The following MFSD11 variants were observed in gnomAD, a reference collection of about 807,000 sequenced individuals.
MFSD11 encodes major facilitator superfamily domain containing 11.
In MFSD11, 36 loss-of-function variants were observed where a neutral mutation model predicts 53.5. That is an observed-to-expected ratio of 0.67 (90% CI 0.52 to 0.89). MFSD11 has a LOEUF of 0.89. MFSD11 is among the 40% of genes least tolerant of loss of function. The pLI, the probability that MFSD11 is intolerant of heterozygous loss-of-function variation, is 0.00. For synonymous variants in MFSD11, 186 were observed against 184.9 expected (o/e 1.01, Z -0.05); for missense variants, 530 against 543.9 (o/e 0.97, Z 0.25).
At chr17:76,761,499 G>A (rs372167540) in intron 8 of MFSD11, among the ~76,000 whole-genome samples, 4 of 152,242 alleles carry the variant, frequency 2.6e-5, no homozygotes, top group Non-Finnish European at 4.4e-5. Context: ...AAATTCTCCT[G>A]TATATTACGT....
At chr17:76,741,234 A>G (rs956720903) in intron 3 of MFSD11, among the ~76,000 whole-genome samples, 170 bp downstream of exon 3, 3 of 152,214 alleles carry the variant, frequency 2.0e-5, no homozygotes, top group African/African-American at 7.2e-5. Context: ...CTAATGTGAT[A>G]GGATGTATCT....
the MFSD11 span, among the ~76,000 whole-genome samples, chr17:76,788,822 G>A: frequency 2.0e-5 from 3 of 148,900 alleles, 1 homozygote; most frequent in African/African-American, 4.9e-5. Flanking sequence ...GCGACAGGAC[G>A]AGACTCCGTC....
intron 10 of MFSD11, 75 bp from the exon 11 acceptor site, chr17:76,774,922 C>T: frequency 6.9e-7 from 1 of 1,449,224 alleles, no homozygotes. Flanking sequence ...TTCCTTGGCT[C>T]CTTGGTGGTA....
chr17:76,796,413 G>A, the MFSD11 span, among the ~76,000 whole-genome samples: 2 of 152,126 alleles, frequency 1.3e-5, no homozygotes, highest in Admixed American at 1.3e-4. Context: ...GTCATTTACA[G>A]TCTACATCGT....
At chr17:76,775,318 G>A in intron 11 of MFSD11, 147 bp downstream of exon 11, 1 of 610,556 alleles carries the variant, frequency 1.6e-6, no homozygotes, top group South Asian at 2.9e-5. Context: ...GTCAGACTGA[G>A]TTTAAATAGG....
At chr17:76,738,642 C>A (rs961571268) in intron 1 of MFSD11, 194 bp downstream of exon 1, 3 of 610,316 alleles carry the variant, frequency 4.9e-6, no homozygotes, top group African/African-American at 1.9e-5. Context: ...TAAGCATTAT[C>A]GTTTAATCTG....
the MFSD11 span, among the ~76,000 whole-genome samples, chr17:76,795,313 T>C: frequency 0.72 from 100,127 of 139,456 alleles, 36,828 homozygotes; most frequent in Middle Eastern, 0.81. Flanking sequence ...GAAAACCTGT[T>C]TCTACCAAAA....
At chr17:76,770,934 A>G (rs1349608405) in intron 10 of MFSD11, among the ~76,000 whole-genome samples, 1 of 152,184 alleles carries the variant, frequency 6.6e-6, no homozygotes, top group African/African-American at 2.4e-5. Context: ...CATTGGCCAC[A>G]TGGCCGGGTG....
At position 76,742,233 on chromosome 17, in the gene MFSD11, G is replaced by A. The variant is rs2078154583; in HGVS notation, c.397G>A (p.Gly133Arg). 6.2e-7 allele frequency: 1 copy of A among 1,614,010 alleles called. No homozygotes were observed. Among genetic ancestry groups the A allele is most frequent in the Non-Finnish European group, 8.5e-7 (1 of 1,180,030 alleles). ...AATCAATTCGGATGAGCACAGCATT[G>A]GGAGAAACAGTGGGATTTTCTGGGC... is the stretch of plus-strand genomic sequence containing the variant. ...LTINSDEHSI[G>R]RNSGIFWALL... Residue 133 changes from glycine (G) to arginine (R), a missense_variant, in exon 5 of 13, where the codon GGG (glycine) becomes AGG (arginine). Transcript: ENST00000685175.
the MFSD11 span, among the ~76,000 whole-genome samples, chr17:76,801,075 G>GA: frequency 0.021 from 2,965 of 140,050 alleles, 103 homozygotes; most frequent in African/African-American, 0.07. Flanking sequence ...GACTCGGTCT[G>GA]AAAAAAAAAA....
chr17:76,736,739 G>T (rs1013691314), upstream of MFSD11: 1 of 1,387,696 alleles, frequency 7.2e-7, no homozygotes, highest in South Asian at 1.6e-5. Flanking sequence ...CCTTTGTGAG[G>T]TCGCCCGGGC....
chr17:76,778,198 C>T lies in MFSD11; in HGVS notation c.1196C>T (p.Ala399Val). 4 of 1,614,208 alleles carry T rather than the reference C, an allele frequency of 2.5e-6. No individual in the cohort carries two copies. Among genetic ancestry groups the T allele is most frequent in the South Asian group, 1.1e-5 (1 of 91,084 alleles). The change falls in exon 13 of 13, where the codon GCA becomes GTA. Residue 399 changes from alanine (A) to valine (V), a missense_variant. Ala to Val is a moderately conservative substitution (Grantham distance 64). Coordinates refer to ENST00000685175, the MANE Select transcript of MFSD11 (RefSeq NM_001242532.5). The stretch of plus-strand genomic sequence containing the variant: ...TTTGTTTGTTCTTAGTCTATTTGCG[C>T]AGCCGTGGCATTTTTCTACAGCAAC... ...AIFKFVQSIC[A>V]AVAFFYSNYL... is the part of the protein sequence containing the mutation.
chr17:76,755,350 A>C (rs1208827828), intron 8 of MFSD11, among the ~76,000 whole-genome samples: 2 of 152,168 alleles, frequency 1.3e-5, no homozygotes, highest in Non-Finnish European at 2.9e-5. Flanking sequence ...TGGCTCTCTC[A>C]GCTTCTTTGT....
chr17:76,741,831 C>G (rs2144112652), intron 3 of MFSD11, 138 bp from the exon 4 acceptor site: 2 of 1,374,586 alleles, frequency 1.5e-6, no homozygotes, highest in Admixed American at 4.6e-5. Flanking sequence ...GATTGTGTCC[C>G]TTTTTTCAAA....
chr17:76,772,449 A>G (rs2081448437), intron 10 of MFSD11, among the ~76,000 whole-genome samples: 1 of 151,932 alleles, frequency 6.6e-6, no homozygotes, highest in Non-Finnish European at 1.5e-5. Flanking sequence ...AAATAAAAAT[A>G]GTACAATGAA....
intron 5 of MFSD11, among the ~76,000 whole-genome samples, chr17:76,742,782 G>A (rs1568046226): frequency 6.6e-6 from 1 of 152,168 alleles, no homozygotes; most frequent in African/African-American, 2.4e-5. Flanking sequence ...GGGATTACAG[G>A]CGTGAACCAC....
chr17:76,740,921 T>TG (rs575057937), intron 2 of MFSD11, 36 bp from the exon 3 acceptor site: 2 of 1,199,428 alleles, frequency 1.7e-6, no homozygotes, highest in Non-Finnish European at 2.4e-6. Flanking sequence ...TTTGTTCTTT[T>TG]TTTTTTTTTT....
chr17:76,768,003 T>C (rs1333176739), intron 9 of MFSD11, among the ~76,000 whole-genome samples: 2 of 152,202 alleles, frequency 1.3e-5, no homozygotes, highest in African/African-American at 2.4e-5. Flanking sequence ...TAACTTTATA[T>C]GGATTAAAAT....
At chr17:76,788,724 G>A in the MFSD11 span, among the ~76,000 whole-genome samples, 7 of 147,746 alleles carry the variant, frequency 4.7e-5, no homozygotes, top group African/African-American at 1.2e-4. Flanking sequence ...TTGGTGGCAC[G>A]CGCCTGTAGT....
Sources: gnomAD v4.1 joint callset for allele counts (sites outside exome capture counted in the v4.1 genomes callset) on GRCh38, gnomAD v4.1.1 for gene constraint, MANE v1.5 for transcripts, NCBI Gene and HGNC (gene_info 2026-07-23, HGNC 2026-07-21) for gene names.